PARD3B: variants seen among roughly 807,000 people sequenced by gnomAD.
PARD3B encodes par-3 family cell polarity regulator beta.
Under a neutral mutation model 130.2 loss-of-function variants are expected in PARD3B, and 103 were observed. The ratio of observed to expected loss-of-function variants is 0.79; its 90% CI spans 0.67 to 0.93. PARD3B has a LOEUF of 0.93. Among genes scored for constraint, PARD3B ranks in the 40% least tolerant of loss-of-function variants. The pLI, the probability that PARD3B is intolerant of heterozygous loss-of-function variation, is 0.00. For missense variants in PARD3B, 1,609 were observed against 1,499.2 expected (o/e 1.07, Z -1.21); for synonymous variants, 583 against 553.2 (o/e 1.05, Z -0.76).
At chr2:205,411,746 T>C (rs2046606246) in intron 19 of PARD3B, among the ~76,000 whole-genome samples, 1 of 152,034 alleles carries the variant, frequency 6.6e-6, no homozygotes, top group Non-Finnish European at 1.5e-5. Flanking sequence ...ATACTTCCAT[T>C]CAAGAAGCTT....
At position 205,321,343 on chromosome 2, in the gene PARD3B, A is replaced by T. The variant is rs1182493272; in HGVS notation, c.2630+19642A>T. On this transcript the variant is annotated intron_variant, in intron 18 of 22. Transcript: ENST00000406610. This position sits in a 1 kb window ranked among gnomAD's most constrained non-coding sequence, Gnocchi z 4.2. ...AGTTTGTATTATGAAATAATTTTAG[A>T]CTTACAGTAAAAGCTACAAAAAATA... is the stretch of plus-strand genomic sequence containing the variant. Among the ~76,000 whole-genome samples the T allele has an allele frequency of 6.6e-6, 1 of 152,132 alleles. No homozygotes were observed. Among genetic ancestry groups the T allele is most frequent in the African/African-American group, 2.4e-5 (1 of 41,428 alleles).
intron 21 of PARD3B, among the ~76,000 whole-genome samples, chr2:205,529,328 T>A (rs2106424499): frequency 6.6e-6 from 1 of 152,308 alleles, no homozygotes; most frequent in Non-Finnish European, 1.5e-5. Flanking sequence ...AGATGATCCA[T>A]CAGGATATTT....
intron 21 of PARD3B, among the ~76,000 whole-genome samples, chr2:205,538,154 A>T (rs1220439739): frequency 6.6e-6 from 1 of 152,236 alleles, no homozygotes; most frequent in Non-Finnish European, 1.5e-5. Flanking sequence ...AGAAGGAAAA[A>T]CAAAAACACA....
intron 2 of PARD3B, among the ~76,000 whole-genome samples, chr2:204,946,210 T>C (rs867269913): frequency 2.0e-5 from 3 of 152,228 alleles, no homozygotes; most frequent in Non-Finnish European, 2.9e-5. Flanking sequence ...TGAGGAGTTG[T>C]ATGCTCAGTT....
At chr2:205,479,343 G>T (rs1374913514) in intron 20 of PARD3B, among the ~76,000 whole-genome samples, 1 of 152,132 alleles carries the variant, frequency 6.6e-6, no homozygotes, top group South Asian at 2.1e-4. Flanking sequence ...CCTAGGTGAG[G>T]GCCCTGTGCC....
intron 18 of PARD3B, among the ~76,000 whole-genome samples, chr2:205,348,939 C>G (rs2043892845): frequency 1.3e-5 from 2 of 152,026 alleles, no homozygotes; most frequent in African/African-American, 4.8e-5. Context: ...CAAATCAACT[C>G]AAAGAGGAAA....
At chr2:205,290,269 A>G (rs2041557323) in intron 16 of PARD3B, among the ~76,000 whole-genome samples, 1 of 152,142 alleles carries the variant, frequency 6.6e-6, no homozygotes, top group South Asian at 2.1e-4. Context: ...TGGTGTTATT[A>G]GTTCATGTGT....
intron 5 of PARD3B, 94 bp from the exon 6 acceptor site, chr2:205,113,394 GTGT>G (rs530446813): frequency 0.26 from 149,751 of 565,398 alleles, 10,620 homozygotes; most frequent in East Asian, 0.38. Flanking sequence ...CTGAGCAGGG[GTGT>G]GTGTGTGTGT....
At chr2:204,981,260 T>C (rs1038762276) in intron 3 of PARD3B, among the ~76,000 whole-genome samples, 3 of 151,736 alleles carry the variant, frequency 2.0e-5, no homozygotes, top group Non-Finnish European at 4.4e-5. Context: ...GTATATTCAC[T>C]GAAAAAAAAA....
chr2:204,752,677 T>C (rs1171033165), intron 2 of PARD3B, among the ~76,000 whole-genome samples: 1 of 152,164 alleles, frequency 6.6e-6, no homozygotes, highest in Admixed American at 6.6e-5. Context: ...TTTGATCCTT[T>C]AATTTCTGAT....
intron 2 of PARD3B, among the ~76,000 whole-genome samples, chr2:204,822,628 G>A (rs191804606): frequency 1.3e-5 from 2 of 152,244 alleles, no homozygotes; most frequent in Admixed American, 1.3e-4. Flanking sequence ...AATTTGGAAT[G>A]AATGCCACAC....
rs1470188467 is a variant in PARD3B, at chr2:205,281,635, T to C, written c.2186-18895T>C. Among the ~76,000 whole-genome samples the C allele has an allele frequency of 6.6e-6, 1 of 152,204 alleles. No homozygotes were observed. Among genetic ancestry groups the C allele is most frequent in the African/African-American group, 2.4e-5 (1 of 41,448 alleles). ...TTTGTACAAAATATAGTAAAAACTT[T>C]CCAGAATGTCAGTACTTTACTTTTC... On this transcript the variant is annotated intron_variant, in intron 16 of 22. Coordinates refer to ENST00000406610, the MANE Select transcript of PARD3B (RefSeq NM_001302769.2). This position sits in a 1 kb window ranked among gnomAD's most constrained non-coding sequence, Gnocchi z 4.2.
intron 20 of PARD3B, among the ~76,000 whole-genome samples, chr2:205,442,461 G>C (rs1001550446): frequency 6.6e-6 from 1 of 151,928 alleles, no homozygotes; most frequent in Non-Finnish European, 1.5e-5. Context: ...TGCAACCACG[G>C]CTGGCTAATT....
At chr2:205,428,812 G>A (rs2047231909) in intron 19 of PARD3B, among the ~76,000 whole-genome samples, 1 of 152,036 alleles carries the variant, frequency 6.6e-6, no homozygotes, top group African/African-American at 2.4e-5. Flanking sequence ...CCAGAAATAT[G>A]TATTTCCTAA....
chr2:204,561,188 T>A (rs2031285659), intron 1 of PARD3B, among the ~76,000 whole-genome samples: 1 of 152,142 alleles, frequency 6.6e-6, no homozygotes, highest in African/African-American at 2.4e-5. Flanking sequence ...GATGCCAATC[T>A]TTTGCACCAG....
At chr2:205,554,097 G>T (rs544511820) in intron 22 of PARD3B, among the ~76,000 whole-genome samples, 1 of 152,322 alleles carries the variant, frequency 6.6e-6, no homozygotes, top group South Asian at 2.1e-4. Context: ...TTTTCCAAGA[G>T]TACATGCAGT....
chr2:205,156,713 A>C (rs1029325599), intron 10 of PARD3B, among the ~76,000 whole-genome samples: 1 of 152,170 alleles, frequency 6.6e-6, no homozygotes, highest in African/African-American at 2.4e-5. Context: ...GTTGTGAAGC[A>C]TAAGTGTATT....
chr2:205,310,712 T>G (rs887990126), intron 18 of PARD3B, among the ~76,000 whole-genome samples: 2 of 117,194 alleles, frequency 1.7e-5, no homozygotes, highest in Non-Finnish European at 3.6e-5. Context: ...CCTTTCTTTC[T>G]TTCTTTCTTT....
intron 20 of PARD3B, among the ~76,000 whole-genome samples, chr2:205,478,003 G>A (rs891235190): frequency 1.7e-4 from 26 of 152,210 alleles, no homozygotes; most frequent in African/African-American, 5.8e-4. Context: ...AGAAGGACAC[G>A]GAGCAAGGAG....
Sources: allele counts gnomAD v4.1 joint callset (sites outside exome capture counted in the v4.1 genomes callset), GRCh38; gene constraint gnomAD v4.1.1; non-coding constraint Gnocchi (gnomAD v3.1); transcripts MANE v1.5; gene names NCBI Gene and HGNC (gene_info 2026-07-23, HGNC 2026-07-21).